The following TAFA1 variants were observed in gnomAD, a reference collection of about 807,000 sequenced individuals.
The protein encoded by TAFA1 is TAFA chemokine like family member 1, also known as chemokine-like protein TAFA-1.
TAFA1 carries 4 observed loss-of-function variants against 18.5 expected under a neutral mutation model. The ratio of observed to expected loss-of-function variants is 0.22; its 90% CI spans 0.11 to 0.49. The LOEUF is 0.49. TAFA1 is among the 20% of genes least tolerant of loss of function. The pLI, the probability that TAFA1 is intolerant of heterozygous loss-of-function variation, is 0.98. For missense variants in TAFA1, 147 were observed against 169.0 expected (o/e 0.87, Z 0.72); for synonymous variants, 56 against 55.2 (o/e 1.01, Z -0.06).
At chr3:68,274,250 G>A (rs1031903266) in intron 2 of TAFA1, among the ~76,000 whole-genome samples, 1 of 152,088 alleles carries the variant, frequency 6.6e-6, no homozygotes, top group Non-Finnish European at 1.5e-5. Flanking sequence ...TGCTGTTTAG[G>A]ATGATGGTTT....
At chr3:68,099,690 T>G (rs920763120) in intron 2 of TAFA1, among the ~76,000 whole-genome samples, 5 of 152,138 alleles carry the variant, frequency 3.3e-5, no homozygotes. Flanking sequence ...AAAAGACACA[T>G]GCACTTGTAT....
intron 2 of TAFA1, among the ~76,000 whole-genome samples, chr3:68,396,598 A>G (rs1244578266): frequency 2.0e-5 from 3 of 152,296 alleles, no homozygotes; most frequent in Admixed American, 1.3e-4. Flanking sequence ...ACATACCACA[A>G]TTTAGTTTTG....
chr3:68,458,360 G>T (rs1424035945), intron 3 of TAFA1, among the ~76,000 whole-genome samples: 1 of 152,128 alleles, frequency 6.6e-6, no homozygotes, highest in Non-Finnish European at 1.5e-5. Context: ...GTCTCAGGTA[G>T]TTTTATTATA....
intron 2 of TAFA1, among the ~76,000 whole-genome samples, chr3:68,368,533 C>T (rs1221762338): frequency 6.6e-6 from 1 of 151,686 alleles, no homozygotes; most frequent in Non-Finnish European, 1.5e-5. Context: ...ATCATAAAGA[C>T]AGCAGGGATG....
intron 3 of TAFA1, among the ~76,000 whole-genome samples, chr3:68,478,228 C>A (rs954471514): frequency 6.6e-6 from 1 of 152,152 alleles, no homozygotes; most frequent in Non-Finnish European, 1.5e-5. Flanking sequence ...CACAGTATGG[C>A]AAGTTGACAG....
At chr3:68,341,028 C>T (rs1453776637) in intron 2 of TAFA1, among the ~76,000 whole-genome samples, 1 of 152,044 alleles carries the variant, frequency 6.6e-6, no homozygotes, top group African/African-American at 2.4e-5. Flanking sequence ...AAAGAGTGAG[C>T]TAGTTTTCCA....
At chr3:68,464,307 A>C (rs1250744777) in intron 3 of TAFA1, among the ~76,000 whole-genome samples, 1 of 152,206 alleles carries the variant, frequency 6.6e-6, no homozygotes, top group Non-Finnish European at 1.5e-5. Context: ...TCCTAAGATA[A>C]TTTCAAATAG....
intron 2 of TAFA1, among the ~76,000 whole-genome samples, chr3:68,042,499 A>T (rs1705186159): frequency 6.6e-6 from 1 of 152,168 alleles, no homozygotes; most frequent in Non-Finnish European, 1.5e-5. Context: ...AATTAAAAAA[A>T]TTAGCTTGGT....
chr3:68,104,641 A>G (rs1194412757), intron 2 of TAFA1, among the ~76,000 whole-genome samples: 2 of 152,088 alleles, frequency 1.3e-5, no homozygotes, highest in Admixed American at 1.3e-4. Flanking sequence ...TCTGGCCCAG[A>G]GCCTTTTATA....
intron 2 of TAFA1, among the ~76,000 whole-genome samples, chr3:68,167,969 C>T (rs1449756373): frequency 6.6e-6 from 1 of 151,932 alleles, no homozygotes; most frequent in East Asian, 1.9e-4. Context: ...TCTGTGAAGA[C>T]AACTTTGCAC....
chr3:68,305,409 C>CTA lies in TAFA1; in HGVS notation c.119-111824_119-111823dup, dbSNP rs773025236. Among the ~76,000 whole-genome samples, 364 of 38,110 alleles carry CTA rather than the reference C, an allele frequency of 9.6e-3. 14 individuals are homozygous for CTA. The highest frequency in any genetic ancestry group is 0.014 in the East Asian group (12 of 886). 25.0% of individuals were successfully genotyped at this position (38,110 alleles called of 152,430 possible). On this transcript the variant is annotated intron_variant, in intron 2 of 4. Transcript: ENST00000478136. ...TATATGACTATATATGACTATATGA[C>CTA]TATATATATATATATATATATATAT... is the stretch of plus-strand genomic sequence containing the variant.
intron 2 of TAFA1, among the ~76,000 whole-genome samples, chr3:68,379,572 G>C (rs943189383): frequency 2.0e-5 from 3 of 152,030 alleles, no homozygotes; most frequent in Non-Finnish European, 4.4e-5. Flanking sequence ...TTTGCCTGTT[G>C]CTTTGTCAAG....
In TAFA1 at chr3:68,019,640, A is replaced by C. The variant is rs147268314; in HGVS notation, c.118+12896A>C. On this transcript the variant is annotated intron_variant, in intron 2 of 4. Coordinates refer to ENST00000478136, the MANE Select transcript of TAFA1 (RefSeq NM_213609.4). Reference sequence around the variant, plus strand: ...TTTGCAGCAGTGTCTTTTTGCTAAAATATAGAATATGCTGTCTTTCAAATA... The same window carrying C: ...TTTGCAGCAGTGTCTTTTTGCTAAACTATAGAATATGCTGTCTTTCAAATA... Among the ~76,000 whole-genome samples the C allele has an allele frequency of 1.9e-3, 297 of 152,318 alleles. 3 individuals are homozygous for C. The highest frequency in any genetic ancestry group is 0.014 in the Middle Eastern group (4 of 294).
At chr3:68,147,130 C>T (rs2065751652) in intron 2 of TAFA1, among the ~76,000 whole-genome samples, 2 of 151,454 alleles carry the variant, frequency 1.3e-5, no homozygotes. Context: ...ACTGCCTGTC[C>T]TAGAGCTAAT....
chr3:68,466,034 T>A (rs540377481), intron 3 of TAFA1, among the ~76,000 whole-genome samples: 1 of 152,206 alleles, frequency 6.6e-6, no homozygotes, highest in Non-Finnish European at 1.5e-5. Context: ...TATCATTTGT[T>A]GAGTGTATCA....
At chr3:68,292,408 T>C (rs1480872831) in intron 2 of TAFA1, among the ~76,000 whole-genome samples, 1 of 126,644 alleles carries the variant, frequency 7.9e-6, no homozygotes, top group Non-Finnish European at 1.7e-5. Flanking sequence ...AGTGAGACTC[T>C]GTCAAAAAAA....
intron 2 of TAFA1, among the ~76,000 whole-genome samples, chr3:68,182,681 TGTGA>T: frequency 6.6e-6 from 1 of 152,290 alleles, no homozygotes; most frequent in African/African-American, 2.4e-5. Flanking sequence ...CACATTTTAA[TGTGA>T]GTTTTAACAT....
At chr3:68,074,191 C>A (rs2064795859) in intron 2 of TAFA1, among the ~76,000 whole-genome samples, 2 of 152,142 alleles carry the variant, frequency 1.3e-5, no homozygotes, top group Admixed American at 1.3e-4. Flanking sequence ...GAGAATTTAA[C>A]ACCACCACTG....
chr3:68,204,333 T>G (rs1340019801), intron 2 of TAFA1, among the ~76,000 whole-genome samples: 1 of 151,828 alleles, frequency 6.6e-6, no homozygotes, highest in East Asian at 1.9e-4. Context: ...CTTAGGAACT[T>G]TTCATCTGGT....
Sources: gnomAD v4.1 joint callset for allele counts (sites outside exome capture counted in the v4.1 genomes callset) on GRCh38, gnomAD v4.1.1 for gene constraint, MANE v1.5 for transcripts, NCBI Gene and HGNC (gene_info 2026-07-23, HGNC 2026-07-21) for gene names.